The following FTO variants were observed in gnomAD, a reference collection of about 807,000 sequenced individuals.
FTO encodes the protein FTO alpha-ketoglutarate dependent dioxygenase.
Under a neutral mutation model 63.9 loss-of-function variants are expected in FTO, and 47 were observed. The ratio of observed to expected loss-of-function variants is 0.74; its 90% CI spans 0.58 to 0.94. The LOEUF (loss-of-function observed/expected upper bound fraction) is 0.94, where lower values mean the gene tolerates loss of function less well. FTO is among the 40% of genes least tolerant of loss of function. FTO has a pLI of 0.00. For synonymous variants in FTO, 207 were observed against 224.4 expected (o/e 0.92, Z 0.69); for missense variants, 562 against 618.1 (o/e 0.91, Z 0.96).
chr16:53,975,132 C>T (rs180677311), intron 8 of FTO, among the ~76,000 whole-genome samples: 10 of 151,208 alleles, frequency 6.6e-5, no homozygotes, highest in Admixed American at 1.3e-4. Flanking sequence ...TATTAGCATT[C>T]GACAACTAAA....
In FTO at chr16:53,826,497, G is replaced by T. The variant is rs1271354629; in HGVS notation, c.751+6G>T. ...GTACAGTTATAGCTGTGAAGGTACA[G>T]TCTGCTCTTGGAAAAAGCAGCCCTG... On this transcript the variant is annotated splice_donor_region_variant and intron_variant, in intron 3 of 8. Coordinates refer to ENST00000471389, the MANE Select transcript of FTO (RefSeq NM_001080432.3). 6.2e-7 allele frequency: 1 copy of T among 1,614,018 alleles called. No individual in the cohort carries two copies. The highest frequency in any genetic ancestry group is 1.1e-5 in the South Asian group (1 of 91,084).
intron 2 of FTO, among the ~76,000 whole-genome samples, chr16:53,816,882 T>G (rs1661334225): frequency 6.6e-6 from 1 of 152,242 alleles, no homozygotes. Flanking sequence ...TTCGCTCTCT[T>G]CCATATTCTC....
chr16:53,768,459 G>A (rs981717161), intron 1 of FTO, among the ~76,000 whole-genome samples: 2 of 152,198 alleles, frequency 1.3e-5, no homozygotes, highest in Admixed American at 1.3e-4. Flanking sequence ...AAACTAAGGG[G>A]TGGGGTTGTG....
chr16:53,866,895 T>G (rs1289354989), intron 4 of FTO, among the ~76,000 whole-genome samples: 1 of 152,116 alleles, frequency 6.6e-6, no homozygotes, highest in Non-Finnish European at 1.5e-5. Flanking sequence ...GTTTCTTTTC[T>G]TCTGCTTTGG....
At chr16:53,991,712 C>G (rs1405594258) in intron 8 of FTO, 1 of 152,086 alleles carries the variant, frequency 6.6e-6, no homozygotes, top group African/African-American at 2.4e-5. Flanking sequence ...AATCCTAATC[C>G]CTTTGATTGA....
At chr16:53,856,095 T>A (rs73617837) in intron 4 of FTO, among the ~76,000 whole-genome samples, 23 of 105,404 alleles carry the variant, frequency 2.2e-4, no homozygotes, top group African/African-American at 6.8e-4. Context: ...CTATAGAAAA[T>A]TTTTTTTTTT....
intron 8 of FTO, chr16:54,061,533 A>G: frequency 6.6e-6 from 1 of 152,000 alleles, no homozygotes; most frequent in Non-Finnish European, 1.5e-5. Context: ...GTTTAAAAAA[A>G]CTCAGACAGT....
rs1046165262 is a variant in FTO, at chr16:53,814,171, G to A, written c.123+3954G>A. On this transcript the variant is annotated intron_variant, in intron 2 of 8. Coordinates refer to ENST00000471389, the MANE Select transcript of FTO (RefSeq NM_001080432.3). ...TTTTGCAGTTTCTTTTAATAGGACC[G>A]TAGAGAAAAGCAAAACCAAACCACC... 4.6e-5 allele frequency among the ~76,000 whole-genome samples: 7 copies of A among 152,152 alleles called. No individual in the cohort carries two copies. In the East Asian group the frequency reaches 5.8e-4, roughly 13 times the overall value.
chr16:54,068,707 A>C (rs1336043480), intron 8 of FTO, among the ~76,000 whole-genome samples: 1 of 152,138 alleles, frequency 6.6e-6, no homozygotes, highest in African/African-American at 2.4e-5. Context: ...TATCATTTTT[A>C]CTACTTACAA....
At chr16:54,091,014 G>T (rs1275368575) in intron 8 of FTO, among the ~76,000 whole-genome samples, 1 of 152,148 alleles carries the variant, frequency 6.6e-6, no homozygotes, top group Admixed American at 6.6e-5. Context: ...AAACTGCCAG[G>T]CTTTTTTAAG....
Position 53,733,163 on chromosome 16 carries a change from G to A in FTO, c.45+28934G>A, listed in dbSNP as rs1318403738. 2.0e-5 allele frequency among the ~76,000 whole-genome samples: 3 copies of A among 152,356 alleles called. No individual in the cohort carries two copies. The East Asian group carries it at 5.8e-4, about 29-fold the overall frequency. ...GCCTGTTATCCCAGCACTTTGGGAGGCCGAGGCGGGAGGATCACCTGAGGT... is the reference window on the plus strand; with the variant it reads ...GCCTGTTATCCCAGCACTTTGGGAGACCGAGGCGGGAGGATCACCTGAGGT... On this transcript the variant is annotated intron_variant, in intron 1 of 8. Transcript: ENST00000471389.
intron 7 of FTO, among the ~76,000 whole-genome samples, chr16:53,893,331 G>A (rs773886530): frequency 2.6e-4 from 39 of 151,810 alleles, no homozygotes; most frequent in Middle Eastern, 3.4e-3. Context: ...TACCCCCACC[G>A]CCCCTGCCAT....
chr16:53,824,547 G>A (rs1390163887), intron 2 of FTO, among the ~76,000 whole-genome samples: 1 of 152,108 alleles, frequency 6.6e-6, no homozygotes, highest in Non-Finnish European at 1.5e-5. Flanking sequence ...TTGGTAGAAA[G>A]CTTTGTGAGA....
chr16:53,860,759 G>A (rs376722686), intron 4 of FTO, among the ~76,000 whole-genome samples: 1 of 151,778 alleles, frequency 6.6e-6, no homozygotes. Context: ...TCCAACACTG[G>A]GGATTACAGT....
chr16:53,729,960 C>G (rs2076236502), intron 1 of FTO, among the ~76,000 whole-genome samples: 1 of 152,156 alleles, frequency 6.6e-6, no homozygotes, highest in Non-Finnish European at 1.5e-5. Flanking sequence ...GCTTTTATTC[C>G]TCTCTTGTAA....
chr16:53,865,340 G>A (rs1278987239), intron 4 of FTO, among the ~76,000 whole-genome samples: 1 of 152,144 alleles, frequency 6.6e-6, no homozygotes, highest in African/African-American at 2.4e-5. Context: ...AAGAGAGAAT[G>A]GCCACTTAGC....
intron 1 of FTO, among the ~76,000 whole-genome samples, chr16:53,742,824 C>T (rs1347835016): frequency 3.3e-5 from 5 of 152,130 alleles, no homozygotes; most frequent in African/African-American, 7.2e-5. Flanking sequence ...GTTGAAGGAG[C>T]GCTTTCCACT....
intron 2 of FTO, among the ~76,000 whole-genome samples, chr16:53,815,777 T>G (rs549221330): frequency 3.3e-5 from 5 of 150,378 alleles, no homozygotes; most frequent in African/African-American, 1.2e-4. Flanking sequence ...GCCTCCCGAA[T>G]AGCTGGGACT....
intron 8 of FTO, among the ~76,000 whole-genome samples, chr16:53,944,190 A>C (rs2143423413): frequency 6.6e-6 from 1 of 152,328 alleles, no homozygotes; most frequent in South Asian, 2.1e-4. Flanking sequence ...GAGGTTGTAG[A>C]GATGAGTAAC....
Sources: allele counts gnomAD v4.1 joint callset (sites outside exome capture counted in the v4.1 genomes callset), GRCh38; gene constraint gnomAD v4.1.1; transcripts MANE v1.5; gene names NCBI Gene and HGNC (gene_info 2026-07-23, HGNC 2026-07-21).